ACLY: variants seen among roughly 807,000 people sequenced by gnomAD.
The protein encoded by ACLY is ATP citrate lyase.
ACLY carries 41 observed loss-of-function variants against 133.0 expected under a neutral mutation model. The observed-to-expected ratio is 0.31, with a 90% CI of 0.24 to 0.40. The LOEUF (loss-of-function observed/expected upper bound fraction) is 0.40, where lower values mean the gene tolerates loss of function less well. Ranked by LOEUF, ACLY falls within the 10% of genes least tolerant of loss-of-function variation. The pLI is 1.00. For synonymous variants in ACLY, 495 were observed against 549.3 expected, an observed-to-expected ratio of 0.90 and a Z score of 1.38; for missense variants, 1,046 against 1,453.8, an observed-to-expected ratio of 0.72 and a Z score of 4.56.
At chr17:41,888,345 A>G (rs1445326327) in intron 16 of ACLY, among the ~76,000 whole-genome samples, 1 of 152,116 alleles carries the variant, frequency 6.6e-6, no homozygotes. Context: ...ACTCTCACCC[A>G]AAAGCTCACA....
chr17:41,909,726 G>T (rs782537498), intron 4 of ACLY, 26 bp from the exon 5 acceptor site: 1 of 1,608,938 alleles, frequency 6.2e-7, no homozygotes, highest in African/African-American at 1.3e-5. Flanking sequence ...ACAGGACAGT[G>T]GGATTGGGGT....
At chr17:41,889,258 C>T (rs1555628757) in intron 16 of ACLY, among the ~76,000 whole-genome samples, 2 of 152,054 alleles carry the variant, frequency 1.3e-5, no homozygotes, top group East Asian at 1.9e-4. Flanking sequence ...GTGGCTCACG[C>T]CTGTAATATC....
At chr17:41,901,655 CA>C in intron 11 of ACLY, 40 bp downstream of exon 11, 1 of 1,549,974 alleles carries the variant, frequency 6.5e-7, no homozygotes, top group South Asian at 1.1e-5. Flanking sequence ...GAAGGCCACC[CA>C]CACTCAGGGT....
intron 11 of ACLY, among the ~76,000 whole-genome samples, chr17:41,899,405 A>G (rs2049462664): frequency 6.6e-6 from 1 of 152,060 alleles, no homozygotes; most frequent in African/African-American, 2.4e-5. Context: ...CCCTCATCGC[A>G]TGCATCCACC....
intron 20 of ACLY, 55 bp downstream of exon 20, chr17:41,883,067 T>C: frequency 7.0e-7 from 1 of 1,432,592 alleles, no homozygotes; most frequent in Non-Finnish European, 9.7e-7. Context: ...TCGCCTCAAA[T>C]GCCCCCTCTT....
chr17:41,887,553 A>G (rs182427098), intron 17 of ACLY, 46 bp downstream of exon 17: 199 of 1,537,144 alleles, frequency 1.3e-4, no homozygotes, highest in Admixed American at 7.7e-4. Flanking sequence ...ATTGAACTTC[A>G]TAAGATAGCA....
chr17:41,919,093 G>T, upstream of ACLY: 1 of 1,202,192 alleles, frequency 8.3e-7, no homozygotes, highest in Non-Finnish European at 1.1e-6. Context: ...CCAATTCGCT[G>T]CTGGCTTGGC....
intron 20 of ACLY, among the ~76,000 whole-genome samples, chr17:41,882,224 G>A (rs546205120): frequency 2.6e-5 from 4 of 151,788 alleles, no homozygotes; most frequent in Admixed American, 1.3e-4. Context: ...AAAATTAGCT[G>A]GGTGTGGTGG....
chr17:41,907,368 A>G, intron 7 of ACLY, 74 bp downstream of exon 7: 4 of 1,450,700 alleles, frequency 2.8e-6, no homozygotes, highest in Non-Finnish European at 3.8e-6. Flanking sequence ...AGGGGGGCCA[A>G]ATGCACATCA....
Position 41,867,705 on chromosome 17 carries a change from A to G in ACLY, c.*105T>C. ...GTACCCCAGTGGCTGTTTACATTCC[A>G]GGCCCCTGCTAAATAAAGCAGGCTC... On this transcript the variant is annotated 3_prime_UTR_variant, in exon 29 of 29. Coordinates refer to ENST00000352035, the MANE Select transcript of ACLY (RefSeq NM_001096.3). 3.5e-6 allele frequency: 3 copies of G among 856,028 alleles called. No individual in the cohort carries two copies. The highest frequency in any genetic ancestry group is 1.9e-5 in the South Asian group (1 of 53,068). The allele number at this position is 856,028 out of a possible 1,614,324, so 53.0% of individuals were successfully genotyped here. A position where few individuals can be genotyped will look rare whatever the true frequency, so the allele number is the denominator to read the frequency against.
In ACLY at chr17:41,897,192, G is replaced by A. The variant is rs73307768; in HGVS notation, c.1430-543C>T. Among the ~76,000 whole-genome samples, 902 of 152,240 alleles carry A rather than the reference G, an allele frequency of 5.9e-3. 8 individuals are homozygous for A. The highest frequency in any genetic ancestry group is 0.021 in the African/African-American group (871 of 41,534). On this transcript the variant is annotated intron_variant, in intron 13 of 28. Coordinates refer to ENST00000352035, the MANE Select transcript of ACLY (RefSeq NM_001096.3). The stretch of plus-strand genomic sequence containing the variant: ...AGGGGTAACTAACACCACTTATGTA[G>A]AGCTGGCTGCAAGGGCTGGCCGGCA...
intron 9 of ACLY, 45 bp downstream of exon 9, chr17:41,905,477 T>C: frequency 6.2e-7 from 1 of 1,613,328 alleles, no homozygotes; most frequent in Non-Finnish European, 8.5e-7. Flanking sequence ...TGCTGGGCTG[T>C]CCTGGGGAAG....
Position 41,907,551 on chromosome 17 carries a change from T to TA in ACLY, c.637dup (p.Tyr213LeufsTer4). Reference sequence around the variant, plus strand: ...CACCTTGGCCGCCAAGTCAAGGACATAGACTCCATCTTTGGTCACTACTTC... The same window carrying TA: ...CACCTTGGCCGCCAAGTCAAGGACATAAGACTCCATCTTTGGTCACTACTTC... On this transcript the variant is annotated frameshift_variant, in exon 7 of 29. Coordinates refer to ENST00000352035, the MANE Select transcript of ACLY (RefSeq NM_001096.3). LOFTEE classifies it high-confidence loss of function. 1 of 1,614,086 alleles carries TA rather than the reference T, an allele frequency of 6.2e-7. No individual in the cohort carries two copies. Among genetic ancestry groups the TA allele is most frequent in the Non-Finnish European group, 8.5e-7 (1 of 1,179,988 alleles).
rs1405587171 is a variant in ACLY at position 41,883,252 on chromosome 17, G to A, written c.2155-20C>T. 2.5e-6 allele frequency: 4 copies of A among 1,607,662 alleles called. No homozygotes were observed. The highest frequency in any genetic ancestry group is 3.4e-6 in the Non-Finnish European group (4 of 1,175,270). ...CCCAATCTGCCAAGGAATGGGGAAT[G>A]AGAAAAAGCCAAGTTAGTGCAGCCC... On this transcript the variant is annotated intron_variant, in intron 19 of 28. Transcript: ENST00000352035.
In ACLY at chr17:41,907,567, T is replaced by C. The variant is rs2049758787; in HGVS notation, c.622A>G (p.Thr208Ala). Residue 208 changes from threonine to alanine, a missense_variant, in exon 7 of 29, where the codon ACC becomes GCC. By Grantham distance (58) the Thr-to-Ala change is moderately conservative. Coordinates refer to ENST00000352035, the MANE Select transcript of ACLY (RefSeq NM_001096.3). ...TCAAGGACATAGACTCCATCTTTGG[T>C]CACTACTTCAAGGGGAGCAGAGGCA... is the stretch of plus-strand genomic sequence containing the variant. ...TYLEINPLVV[T>A]KDGVYVLDLA... 1 of 1,613,774 alleles carries C rather than the reference T, an allele frequency of 6.2e-7. No individual in the cohort carries two copies. The highest frequency in any genetic ancestry group is 1.3e-5 in the African/African-American group (1 of 74,866).
Position 41,901,772 on chromosome 17 carries a change from C to T in ACLY, c.1107G>A (p.Lys369=). The part of the protein sequence containing the change: ...RAIRDYQGPL[K]EHEVTIFVRR... ...GGACAAAGATTGTGACTTCGTGCTC[C>T]TTCAGGGGGCCCTGGTAATCTCGAA... Residue 369 remains lysine, a synonymous_variant, in exon 11 of 29, where the codon AAG becomes AAA. Transcript: ENST00000352035. The T allele has an allele frequency of 6.2e-7, 1 of 1,602,366 alleles. No homozygotes were observed. The highest frequency in any genetic ancestry group is 8.5e-7 in the Non-Finnish European group (1 of 1,172,768).
chr17:41,911,719 G>A (rs1187560328), intron 3 of ACLY, among the ~76,000 whole-genome samples: 1 of 152,164 alleles, frequency 6.6e-6, no homozygotes, highest in African/African-American at 2.4e-5. Flanking sequence ...AGGAAGCTGA[G>A]GTGGGAGGAT....
chr17:41,923,870 G>C (rs1270579081), upstream of ACLY, among the ~76,000 whole-genome samples: 3 of 152,070 alleles, frequency 2.0e-5, no homozygotes, highest in East Asian at 5.8e-4. Flanking sequence ...GAGTGCAATG[G>C]TGTGATCTGG....
intron 21 of ACLY, 86 bp downstream of exon 21, chr17:41,878,711 T>A: frequency 6.6e-7 from 1 of 1,526,692 alleles, no homozygotes; most frequent in Non-Finnish European, 9.0e-7. Context: ...CAGGAATACA[T>A]GATGTCCCTG....
Sources: gnomAD v4.1 joint callset for allele counts (sites outside exome capture counted in the v4.1 genomes callset) on GRCh38, gnomAD v4.1.1 for gene constraint, MANE v1.5 for transcripts, NCBI Gene and HGNC (gene_info 2026-07-23, HGNC 2026-07-21) for gene names.